Variants in ALG9 observed in about 807,000 individuals in gnomAD.
ALG9 encodes alpha-1,2-mannosyltransferase ALG9.
In ALG9, 55 loss-of-function variants were observed where a neutral mutation model predicts 81.8. The observed-to-expected ratio is 0.67, with a 90% CI of 0.54 to 0.84. ALG9 has a LOEUF of 0.84. Ranked by LOEUF, ALG9 falls within the 40% of genes least tolerant of loss-of-function variation. The probability of loss-of-function intolerance (pLI) is 0.00; values close to 1 mark genes in which losing one functional copy is unlikely to be tolerated. For missense variants in ALG9, 629 were observed against 745.0 expected, an observed-to-expected ratio of 0.84 and a Z score of 1.81; for synonymous variants, 278 against 274.3, an observed-to-expected ratio of 1.01 and a Z score of -0.13.
At chr11:111,854,177 C>T (rs1413760702) in intron 6 of ALG9, among the ~76,000 whole-genome samples, 1 of 149,848 alleles carries the variant, frequency 6.7e-6, no homozygotes, top group Non-Finnish European at 1.5e-5. Flanking sequence ...GGCTCACTAC[C>T]GCCTCCATCT....
chr11:111,809,386 C>T lies in ALG9; in HGVS notation c.1733+257G>A, dbSNP rs939413170. ...CTCTACCAAAAATACAAAAATTAGC[C>T]GGGCATGGTGGTGTGCGCCTGTAAT... On this transcript the variant is annotated intron_variant, in intron 14 of 14. Transcript: ENST00000616540. Among the ~76,000 whole-genome samples, 9 of 152,026 alleles carry T rather than the reference C, an allele frequency of 5.9e-5. No homozygotes were observed. The South Asian group carries it at 1.2e-3, about 21-fold the overall frequency.
chr11:111,837,699 T>C (rs1246903279), intron 11 of ALG9, 84 bp from the exon 12 acceptor site: 1 of 1,475,154 alleles, frequency 6.8e-7, no homozygotes, highest in Non-Finnish European at 9.3e-7. Context: ...AATGTCGCAC[T>C]GTAAGCCACA....
rs141141045 is a variant in ALG9 at position 111,828,310 on chromosome 11, C to T, written c.1602+7855G>A. Among the ~76,000 whole-genome samples, 215 of 152,302 alleles carry T rather than the reference C, an allele frequency of 1.4e-3. 2 individuals carry two copies. The highest frequency in any genetic ancestry group is 4.3e-3 in the Admixed American group (66 of 15,302). ...CAATGGATAGTCTTGAGCATGATTA[C>T]GGGACAGACAAGGCTTTCTGTCCAA... On this transcript the variant is annotated intron_variant, in intron 13 of 14. Coordinates refer to ENST00000616540, the MANE Select transcript of ALG9 (RefSeq NM_024740.2).
At chr11:111,813,889 T>C (rs782741350) in intron 13 of ALG9, among the ~76,000 whole-genome samples, 12 of 152,246 alleles carry the variant, frequency 7.9e-5, no homozygotes, top group Non-Finnish European at 1.5e-4. Flanking sequence ...TTTAGAAAAC[T>C]ATTTGGCAAA....
At chr11:111,777,342 C>G (rs1228573924), downstream of ALG9, among the ~76,000 whole-genome samples, 1 of 152,146 alleles carries the variant, frequency 6.6e-6, no homozygotes, top group Non-Finnish European at 1.5e-5. Context: ...GAGTGCAATG[C>G]AGAAATACAG....
Position 111,860,589 on chromosome 11 carries a change from C to T in ALG9, c.523G>A (p.Ala175Thr). 1 of 1,614,122 alleles carries T rather than the reference C, an allele frequency of 6.2e-7. No individual in the cohort carries two copies. Among genetic ancestry groups the T allele is most frequent in the Non-Finnish European group, 8.5e-7 (1 of 1,179,998 alleles). Residue 175 changes from alanine (A) to threonine (T), a missense_variant, in exon 5 of 15, where the codon GCC becomes ACC. Transcript: ENST00000616540. ...FGLHVSRMML[A>T]FLVLSTGMFC... ...ATGCCAGTGCTGAGAACCAAGAAGG[C>T]TAGCATCATTCGACTCACGTGCAAC...
chr11:111,777,309 T>G (rs1241895816), downstream of ALG9, among the ~76,000 whole-genome samples: 1 of 152,152 alleles, frequency 6.6e-6, no homozygotes, highest in Non-Finnish European at 1.5e-5. Flanking sequence ...CTCCAGGAAA[T>G]TTTTGCAATT....
intron 14 of ALG9, among the ~76,000 whole-genome samples, chr11:111,802,575 G>A (rs1246794759): frequency 3.3e-5 from 5 of 152,160 alleles, no homozygotes; most frequent in African/African-American, 9.7e-5. Flanking sequence ...AAATTGAACT[G>A]TGGCAATGGT....
intron 13 of ALG9, among the ~76,000 whole-genome samples, chr11:111,810,713 G>A (rs1950576424): frequency 6.6e-6 from 1 of 152,168 alleles, no homozygotes; most frequent in South Asian, 2.1e-4. Flanking sequence ...CCAAGATCAT[G>A]CCACTGCATT....
intron 11 of ALG9, 93 bp downstream of exon 11, chr11:111,838,156 T>C (rs546811974): frequency 6.7e-7 from 1 of 1,487,820 alleles, no homozygotes; most frequent in East Asian, 2.3e-5. Context: ...CTTCTTAGTA[T>C]AAGCCAAATA....
intron 13 of ALG9, among the ~76,000 whole-genome samples, chr11:111,828,150 C>T (rs530667487): frequency 1.6e-4 from 24 of 150,278 alleles, no homozygotes; most frequent in Middle Eastern, 3.7e-3. Context: ...GCCAAGATTG[C>T]GCCACTGCAC....
the ALG9 span, among the ~76,000 whole-genome samples, chr11:111,774,464 C>T: frequency 3.9e-5 from 6 of 152,304 alleles, no homozygotes; most frequent in South Asian, 2.1e-4. Flanking sequence ...AATGCACACA[C>T]GTGCTTGTAT....
At chr11:111,800,106 A>T (rs1948878732) in intron 14 of ALG9, among the ~76,000 whole-genome samples, 1 of 152,140 alleles carries the variant, frequency 6.6e-6, no homozygotes, top group Non-Finnish European at 1.5e-5. Context: ...TTGTTTTCAT[A>T]TGTGTAGGTC....
At chr11:111,808,578 C>G (rs782397108) in intron 14 of ALG9, among the ~76,000 whole-genome samples, 1 of 152,210 alleles carries the variant, frequency 6.6e-6, no homozygotes, top group South Asian at 2.1e-4. Context: ...GTATCCTGAT[C>G]AATATTCTGT....
At chr11:111,860,992 T>A (rs1175156294) in intron 4 of ALG9, among the ~76,000 whole-genome samples, 3 of 152,228 alleles carry the variant, frequency 2.0e-5, no homozygotes, top group Admixed American at 2.0e-4. Context: ...GGTTGAATAA[T>A]GTCTCTGTCT....
At chr11:111,818,426 G>C (rs1344433090) in intron 13 of ALG9, among the ~76,000 whole-genome samples, 6 of 152,174 alleles carry the variant, frequency 3.9e-5, no homozygotes, top group Admixed American at 6.6e-5. Flanking sequence ...CTAGATCAAA[G>C]TGTCACTGAG....
At chr11:111,798,234 C>A in intron 14 of ALG9, 1 of 299,338 alleles carries the variant, frequency 3.3e-6, no homozygotes, top group Admixed American at 4.4e-5. Flanking sequence ...AATAAAATCT[C>A]ACAATCCCCA....
At chr11:111,822,408 CAAAAAAAAA>C (rs56367678) in intron 13 of ALG9, among the ~76,000 whole-genome samples, 5 of 66,548 alleles carry the variant, frequency 7.5e-5, no homozygotes, top group Non-Finnish European at 1.0e-4. Flanking sequence ...AACTCAGTCT[CAAAAAAAAA>C]AAAAAAAAAA....
chr11:111,851,104 T>C (rs1957736444), intron 8 of ALG9, among the ~76,000 whole-genome samples: 2 of 152,210 alleles, frequency 1.3e-5, no homozygotes, highest in Non-Finnish European at 2.9e-5. Flanking sequence ...ACTGACCCAC[T>C]GTTAAATTAG....
Sources: allele counts gnomAD v4.1 joint callset (sites outside exome capture counted in the v4.1 genomes callset), GRCh38; gene constraint gnomAD v4.1.1; transcripts MANE v1.5; gene names NCBI Gene and HGNC (gene_info 2026-07-23, HGNC 2026-07-21).